Variants in CAST observed in about 807,000 individuals in gnomAD.
CAST encodes MIR583 host.
A neutral mutation model predicts 119.6 loss-of-function variants in CAST; 76 were observed. That is an observed-to-expected ratio of 0.64 (90% confidence interval 0.53 to 0.77). CAST has a LOEUF of 0.77. CAST is among the 30% of genes least tolerant of loss of function. The pLI, the probability that CAST is intolerant of heterozygous loss-of-function variation, is 0.00. For missense variants in CAST, 953 were observed against 946.5 expected, an observed-to-expected ratio of 1.01 and a Z score of -0.09; for synonymous variants, 319 against 331.6, an observed-to-expected ratio of 0.96 and a Z score of 0.41.
At chr5:96,689,734 A>G (rs1183760929) in intron 2 of CAST, among the ~76,000 whole-genome samples, 6 of 152,226 alleles carry the variant, frequency 3.9e-5, no homozygotes, top group African/African-American at 1.2e-4. Context: ...CTGTGCTTTT[A>G]ACTAGTATCC....
the CAST span, among the ~76,000 whole-genome samples, chr5:96,192,631 C>T: frequency 6.6e-6 from 1 of 152,152 alleles, no homozygotes; most frequent in African/African-American, 2.4e-5. Context: ...CTGCAGGCAC[C>T]TTTCAGTGGG....
chr5:96,748,842 A>G (rs1003312995), intron 19 of CAST: 1 of 388,552 alleles, frequency 2.6e-6, no homozygotes. Flanking sequence ...TCTGGAACCC[A>G]TGCCTTCCTT....
chr5:95,981,332 G>A, the CAST span, among the ~76,000 whole-genome samples: 9 of 152,200 alleles, frequency 5.9e-5, no homozygotes, highest in African/African-American at 2.2e-4. Flanking sequence ...CAGGCCCTGG[G>A]CCTCCAGAAC....
intron 1 of CAST, among the ~76,000 whole-genome samples, chr5:96,650,686 T>G (rs372174787): frequency 5.3e-5 from 8 of 151,688 alleles, no homozygotes; most frequent in African/African-American, 1.9e-4. Context: ...AAGATGTACT[T>G]TCCATATATG....
chr5:96,473,766 T>G, the CAST span, among the ~76,000 whole-genome samples: 1 of 152,300 alleles, frequency 6.6e-6, no homozygotes, highest in East Asian at 1.9e-4. Context: ...TACAACTGAC[T>G]GGGCGCATGA....
the CAST span, among the ~76,000 whole-genome samples, chr5:96,512,804 G>C: frequency 6.6e-6 from 1 of 152,132 alleles, no homozygotes; most frequent in Admixed American, 6.5e-5. Flanking sequence ...TAAATCTTTA[G>C]TATGAATAAT....
At chr5:96,297,754 GTGGTA>G in the CAST span, among the ~76,000 whole-genome samples, 1 of 152,062 alleles carries the variant, frequency 6.6e-6, no homozygotes, top group South Asian at 2.1e-4. Flanking sequence ...ATCTTAAGTA[GTGGTA>G]TGGCTATGCC....
At chr5:96,300,449 T>C in the CAST span, among the ~76,000 whole-genome samples, 151 of 152,324 alleles carry the variant, frequency 9.9e-4, no homozygotes, top group Admixed American at 3.3e-3. Context: ...TTCTGTTCCA[T>C]TGGTTGATGG....
chr5:96,389,092 G>T, the CAST span, among the ~76,000 whole-genome samples: 1 of 151,966 alleles, frequency 6.6e-6, no homozygotes, highest in East Asian at 1.9e-4. Context: ...TTGCAGTGGG[G>T]TGGGAGAGGT....
chr5:96,064,387 G>A, the CAST span, among the ~76,000 whole-genome samples: 1 of 152,084 alleles, frequency 6.6e-6, no homozygotes, highest in African/African-American at 2.4e-5. Context: ...TTTGCACAAA[G>A]CTAACTTTGA....
chr5:96,293,399 T>C, the CAST span, among the ~76,000 whole-genome samples: 2 of 152,134 alleles, frequency 1.3e-5, no homozygotes, highest in Non-Finnish European at 2.9e-5. Flanking sequence ...TGTCTCAGCC[T>C]CCCGAGTAGC....
At chr5:96,502,587 A>G in the CAST span, among the ~76,000 whole-genome samples, 4 of 151,632 alleles carry the variant, frequency 2.6e-5, no homozygotes, top group African/African-American at 4.8e-5. Flanking sequence ...TACTCTGTTA[A>G]GATAATCAAG....
intron 1 of CAST, among the ~76,000 whole-genome samples, chr5:96,641,695 T>C (rs1404689986): frequency 6.6e-6 from 1 of 152,168 alleles, no homozygotes; most frequent in Non-Finnish European, 1.5e-5. Flanking sequence ...TTCCTGCCTC[T>C]GCTCATTTAC....
the CAST span, among the ~76,000 whole-genome samples, chr5:96,128,040 C>T: frequency 1.3e-5 from 2 of 152,006 alleles, no homozygotes; most frequent in Non-Finnish European, 2.9e-5. Context: ...AATTTCCTGT[C>T]TGGGAAAGAG....
the CAST span, among the ~76,000 whole-genome samples, chr5:96,497,744 G>C: frequency 1.3e-5 from 2 of 152,126 alleles, no homozygotes; most frequent in African/African-American, 4.8e-5. Context: ...TGAGTTCATT[G>C]TAGATTCTGG....
intron 31 of CAST, chr5:96,772,407 T>C (rs542850986): frequency 7.6e-6 from 1 of 131,004 alleles, no homozygotes; most frequent in South Asian, 2.7e-4. Context: ...TTCAGCTCTC[T>C]CACCATGATC....
At chr5:96,174,871 G>A in the CAST span, among the ~76,000 whole-genome samples, 4 of 151,848 alleles carry the variant, frequency 2.6e-5, no homozygotes, top group Non-Finnish European at 5.9e-5. Flanking sequence ...ATATTTAAAG[G>A]TTTTCTTTTC....
At chr5:96,555,367 AGACAGTGGGTGCAG>A (rs952900167) in intron 1 of CAST, among the ~76,000 whole-genome samples, 81 of 152,304 alleles carry the variant, frequency 5.3e-4, no homozygotes, top group African/African-American at 1.7e-3. Context: ...GGGGAGTGTC[AGACAGTGGGTGCAG>A]GACAGTGGGT....
At chr5:96,611,329 AC>A (rs1324464560) in intron 1 of CAST, among the ~76,000 whole-genome samples, 4 of 152,178 alleles carry the variant, frequency 2.6e-5, no homozygotes, top group African/African-American at 9.6e-5. Context: ...CTGATCTTTA[AC>A]AAAAGGTGAC....
Sources: allele counts gnomAD v4.1 joint callset (sites outside exome capture counted in the v4.1 genomes callset), GRCh38; gene constraint gnomAD v4.1.1; transcripts MANE v1.5; gene names NCBI Gene and HGNC (gene_info 2026-07-23, HGNC 2026-07-21).